Variants in CTNND2 observed in about 807,000 individuals in gnomAD.
CTNND2 encodes catenin delta 2.
A neutral mutation model predicts 144.4 loss-of-function variants in CTNND2; 22 were observed. The observed-to-expected ratio is 0.15, with a 90% confidence interval of 0.11 to 0.22. The LOEUF (loss-of-function observed/expected upper bound fraction) is 0.22. Ranked by LOEUF, CTNND2 falls within the 10% of genes least tolerant of loss-of-function variation. The pLI is 1.00. For synonymous variants in CTNND2, 751 were observed against 695.6 expected, an observed-to-expected ratio of 1.08 and a Z score of -1.25; for missense variants, 1,353 against 1,618.8, an observed-to-expected ratio of 0.84 and a Z score of 2.82.
chr5:11,430,596 G>C (rs757688179), intron 3 of CTNND2, among the ~76,000 whole-genome samples: 1 of 152,150 alleles, frequency 6.6e-6, no homozygotes, highest in Non-Finnish European at 1.5e-5. Context: ...ACAGTGATTA[G>C]AGAAACTGGA....
chr5:10,993,032 G>T (rs1738884008), intron 18 of CTNND2, among the ~76,000 whole-genome samples: 1 of 152,118 alleles, frequency 6.6e-6, no homozygotes, highest in Admixed American at 6.5e-5. Flanking sequence ...TTCCAGCTCT[G>T]CCTGGCTCCC....
chr5:11,119,749 G>A (rs746943077), intron 12 of CTNND2, among the ~76,000 whole-genome samples: 62 of 152,290 alleles, frequency 4.1e-4, no homozygotes, highest in Admixed American at 1.7e-3. Context: ...GCTCTTTAGC[G>A]TGGCAAGTTA....
chr5:10,981,244 C>T (rs1347136304), intron 21 of CTNND2, among the ~76,000 whole-genome samples: 1 of 152,142 alleles, frequency 6.6e-6, no homozygotes, highest in African/African-American at 2.4e-5. Context: ...GGTTCCCCAA[C>T]TAGACTTTGA....
chr5:11,514,323 A>AT (rs771385431), intron 3 of CTNND2, among the ~76,000 whole-genome samples: 30 of 152,232 alleles, frequency 2.0e-4, no homozygotes, highest in Non-Finnish European at 3.5e-4. Flanking sequence ...CTGGCTACAT[A>AT]TCCAAGGTAA....
chr5:11,352,449 G>A (rs1304025603), intron 8 of CTNND2, among the ~76,000 whole-genome samples: 2 of 152,020 alleles, frequency 1.3e-5, no homozygotes, highest in Non-Finnish European at 2.9e-5. Flanking sequence ...ATACATGCAG[G>A]GTTTAATACC....
At chr5:11,712,904 C>A (rs1465689258) in intron 2 of CTNND2, among the ~76,000 whole-genome samples, 1 of 152,082 alleles carries the variant, frequency 6.6e-6, no homozygotes, top group Admixed American at 6.5e-5. Flanking sequence ...GGATATGATA[C>A]TGAACAGCAG....
chr5:11,590,181 A>G (rs413539), intron 2 of CTNND2, among the ~76,000 whole-genome samples: 125,432 of 151,664 alleles, frequency 0.83, 52,540 homozygotes, highest in African/African-American at 0.93. Flanking sequence ...GAGTAGCAGG[A>G]ACTACAGGCG....
intron 1 of CTNND2, among the ~76,000 whole-genome samples, chr5:11,858,680 C>T (rs1344122611): frequency 1.3e-5 from 2 of 152,304 alleles, no homozygotes; most frequent in East Asian, 3.9e-4. Flanking sequence ...CTGTTAATCC[C>T]AGCACTTTGG....
At chr5:11,007,865 A>T (rs1286842015) in intron 18 of CTNND2, among the ~76,000 whole-genome samples, 1 of 152,228 alleles carries the variant, frequency 6.6e-6, no homozygotes, top group Non-Finnish European at 1.5e-5. Flanking sequence ...TCACTTTCGC[A>T]CCGTGTAATG....
chr5:11,736,658 C>T (rs1787699339), intron 1 of CTNND2, among the ~76,000 whole-genome samples: 1 of 151,996 alleles, frequency 6.6e-6, no homozygotes, highest in Non-Finnish European at 1.5e-5. Flanking sequence ...AGTAATATGG[C>T]CAAATACGTC....
At chr5:11,732,015 C>T in intron 2 of CTNND2, 121 bp downstream of exon 2, 5 of 829,938 alleles carry the variant, frequency 6.0e-6, no homozygotes, top group Non-Finnish European at 7.2e-6. Context: ...ATAATAAATA[C>T]CAACACTCTG....
chr5:11,289,682 C>G (rs1269406996), intron 9 of CTNND2, among the ~76,000 whole-genome samples: 1 of 152,182 alleles, frequency 6.6e-6, no homozygotes, highest in Non-Finnish European at 1.5e-5. Flanking sequence ...GGACCTTAAT[C>G]ATTGGGCTTC....
chr5:11,842,809 A>C (rs1013248739), intron 1 of CTNND2, among the ~76,000 whole-genome samples: 1 of 152,148 alleles, frequency 6.6e-6, no homozygotes. Context: ...TAACTCAAAC[A>C]CATTATTAAA....
At position 11,384,551 on chromosome 5, in the gene CTNND2, A is replaced by T; in HGVS notation, c.1177+114T>A. 1 of 928,280 alleles carries T rather than the reference A, an allele frequency of 1.1e-6. No homozygotes were observed. Among genetic ancestry groups the T allele is most frequent in the Non-Finnish European group, 1.6e-6 (1 of 633,822 alleles). The allele number at this position is 928,280 out of a possible 1,614,324, so 57.5% of individuals were successfully genotyped here. On this transcript the variant is annotated intron_variant, in intron 7 of 21. Coordinates refer to ENST00000304623, the MANE Select transcript of CTNND2 (RefSeq NM_001332.4). The surrounding 1 kb of genome is among the most constrained non-coding windows in gnomAD (Gnocchi z 5.2). ...CTGGCGTTCTCTGTCTCCTGCAACT[A>T]CTACAACCTGGCAGACAGCGCGCCC...
chr5:11,490,213 G>A (rs1314040638), intron 3 of CTNND2, among the ~76,000 whole-genome samples: 2 of 152,082 alleles, frequency 1.3e-5, no homozygotes, highest in East Asian at 3.8e-4. Flanking sequence ...TGAAAATAAT[G>A]ATGCACATAT....
intron 3 of CTNND2, among the ~76,000 whole-genome samples, chr5:11,557,367 C>T (rs1776312347): frequency 6.6e-6 from 1 of 152,152 alleles, no homozygotes; most frequent in Admixed American, 6.5e-5. Context: ...TCTGGGGAAT[C>T]ATCCCCTTTC....
In CTNND2 at chr5:11,401,357, A is replaced by G. The variant is rs555598004; in HGVS notation, c.440-4154T>C. Among the ~76,000 whole-genome samples, 8 of 152,366 alleles carry G rather than the reference A, an allele frequency of 5.3e-5. No homozygotes were observed. The South Asian group carries it at 8.3e-4, about 16-fold the overall frequency. On this transcript the variant is annotated intron_variant, in intron 5 of 21. Transcript: ENST00000304623. Reference sequence around the variant, plus strand: ...GTTAGCTGAACATCTGCCTTAGAATACAGTAGACCTTCAATTAAAGAATAT... The same window carrying G: ...GTTAGCTGAACATCTGCCTTAGAATGCAGTAGACCTTCAATTAAAGAATAT...
chr5:11,252,378 G>T lies in CTNND2; in HGVS notation c.1629-15555C>A, dbSNP rs550951522. 9.2e-5 allele frequency among the ~76,000 whole-genome samples: 14 copies of T among 152,206 alleles called. 1 individual carries two copies. In the East Asian group the frequency reaches 2.3e-3, roughly 25 times the overall value. ...AGTGATCAGAAACTGGGGTGGGGGG[G>T]AGATTATACCTTAGTTCTATGTCTA... On this transcript the variant is annotated intron_variant, in intron 9 of 21. Transcript: ENST00000304623.
At chr5:11,524,546 G>T (rs1000639596) in intron 3 of CTNND2, among the ~76,000 whole-genome samples, 8 of 152,122 alleles carry the variant, frequency 5.3e-5, no homozygotes, top group Non-Finnish European at 8.8e-5. Flanking sequence ...CATTAACACA[G>T]TTTCTTTCCC....
Sources: gnomAD v4.1 joint callset for allele counts (sites outside exome capture counted in the v4.1 genomes callset) on GRCh38, gnomAD v4.1.1 for gene constraint, Gnocchi (gnomAD v3.1) non-coding constraint, MANE v1.5 for transcripts, NCBI Gene and HGNC (gene_info 2026-07-23, HGNC 2026-07-21) for gene names.